ASTN1: variants seen among roughly 807,000 people sequenced by gnomAD.
ASTN1 encodes the protein astrotactin 1.
In ASTN1, 41 loss-of-function variants were observed where a neutral mutation model predicts 140.7. The ratio of observed to expected loss-of-function variants is 0.29; its 90% CI spans 0.23 to 0.38. The LOEUF (loss-of-function observed/expected upper bound fraction) is 0.38. ASTN1 is among the 10% of genes least tolerant of loss of function. The pLI is 1.00. For synonymous variants in ASTN1, 640 were observed against 652.2 expected (o/e 0.98, Z 0.29); for missense variants, 1,479 against 1,678.8 (o/e 0.88, Z 2.08).
At chr1:177,004,179 G>A (rs1174665896) in intron 8 of ASTN1, among the ~76,000 whole-genome samples, 1 of 151,822 alleles carries the variant, frequency 6.6e-6, no homozygotes, top group Admixed American at 6.6e-5. Flanking sequence ...AACCAACAAT[G>A]ACCCAGCTGA....
chr1:176,937,416 GAAGTT>G (rs1455677514), intron 14 of ASTN1, among the ~76,000 whole-genome samples: 1 of 152,164 alleles, frequency 6.6e-6, no homozygotes, highest in African/African-American at 2.4e-5. Flanking sequence ...GAGGCTCTGA[GAAGTT>G]AAGTTAGTTG....
chr1:177,050,187 T>C (rs541130553), intron 2 of ASTN1, among the ~76,000 whole-genome samples: 1 of 152,302 alleles, frequency 6.6e-6, no homozygotes, highest in Admixed American at 6.5e-5. Flanking sequence ...TCAGACAAGA[T>C]GCAGACATGG....
chr1:176,972,030 G>A (rs1265932827), intron 8 of ASTN1, among the ~76,000 whole-genome samples: 1 of 152,078 alleles, frequency 6.6e-6, no homozygotes, highest in African/African-American at 2.4e-5. Flanking sequence ...AGGCTATATA[G>A]TATAACCTAT....
At chr1:176,870,219 C>A (rs957385286) in intron 21 of ASTN1, among the ~76,000 whole-genome samples, 1 of 152,162 alleles carries the variant, frequency 6.6e-6, no homozygotes, top group African/African-American at 2.4e-5. Context: ...TGGAGAGCAA[C>A]GTTTTGTCTT....
chr1:177,057,881 C>T (rs1558064216), intron 2 of ASTN1, among the ~76,000 whole-genome samples: 1 of 152,186 alleles, frequency 6.6e-6, no homozygotes, highest in Non-Finnish European at 1.5e-5. Flanking sequence ...AAATAGCTGC[C>T]TACCTTTCCT....
chr1:176,966,603 CGGA>C (rs913060080), intron 8 of ASTN1, among the ~76,000 whole-genome samples: 2 of 152,060 alleles, frequency 1.3e-5, no homozygotes, highest in Non-Finnish European at 2.9e-5. Context: ...ATAATTTGAG[CGGA>C]GGTTACACAT....
intron 1 of ASTN1, among the ~76,000 whole-genome samples, chr1:177,137,122 AAGG>A (rs1290146411): frequency 3.3e-5 from 5 of 152,164 alleles, no homozygotes; most frequent in Non-Finnish European, 5.9e-5. Context: ...AGGAAAGTAT[AAGG>A]AAGAAGTTTA....
chr1:176,957,680 C>A lies in ASTN1; in HGVS notation c.1885G>T (p.Val629Leu), dbSNP rs144761357. 1.2e-6 allele frequency: 2 copies of A among 1,613,954 alleles called. No homozygotes were observed. The highest frequency in any genetic ancestry group is 1.3e-5 in the African/African-American group (1 of 75,028). The change falls in exon 11 of 23, where the codon GTG (valine) becomes TTG (leucine). Residue 629 changes from valine (V) to leucine (L), a missense_variant and splice_region_variant. Physicochemically the swap from Val to Leu is conservative, Grantham distance 32. Transcript: ENST00000361833. ...SDRKLDSTGC[V>L]CPSGLSPMKD... ...ACTAGCTTGCAGGGCAGACCTACCA[C>A]GCAACCAGTGGAGTCCAGCTTGCGA... is the stretch of plus-strand genomic sequence containing the variant.
intron 11 of ASTN1, among the ~76,000 whole-genome samples, chr1:176,950,789 T>C (rs1672160443): frequency 6.6e-6 from 1 of 152,058 alleles, no homozygotes; most frequent in Non-Finnish European, 1.5e-5. Flanking sequence ...CTATGCTGTA[T>C]ACATATCGCC....
At chr1:177,059,485 G>A (rs115455641) in intron 2 of ASTN1, among the ~76,000 whole-genome samples, 1,601 of 152,310 alleles carry the variant, frequency 0.011, 25 homozygotes, top group African/African-American at 0.037. Context: ...ATTTGTAAAT[G>A]TAAGTATTAG....
At chr1:177,016,891 T>C (rs910777042) in intron 7 of ASTN1, among the ~76,000 whole-genome samples, 9 of 152,232 alleles carry the variant, frequency 5.9e-5, no homozygotes. Context: ...GTTGTCCTTC[T>C]GTGGACAATT....
chr1:177,003,735 T>C (rs1571633998), intron 8 of ASTN1, among the ~76,000 whole-genome samples: 1 of 151,542 alleles, frequency 6.6e-6, no homozygotes, highest in East Asian at 2.0e-4. Flanking sequence ...TCGCTTGAAC[T>C]TGCGAGGCAG....
intron 16 of ASTN1, among the ~76,000 whole-genome samples, chr1:176,922,313 C>T (rs1353810242): frequency 1.3e-5 from 2 of 150,214 alleles, no homozygotes; most frequent in African/African-American, 5.1e-5. Flanking sequence ...ACCAGCCGTG[C>T]AGACTTTGAA....
intron 1 of ASTN1, among the ~76,000 whole-genome samples, chr1:177,145,099 C>G (rs553099240): frequency 6.6e-6 from 1 of 152,284 alleles, no homozygotes; most frequent in South Asian, 2.1e-4. Context: ...TTGAGAAACT[C>G]AGATAACTCT....
chr1:176,910,814 T>A (rs1291514544), intron 16 of ASTN1, among the ~76,000 whole-genome samples: 1 of 152,142 alleles, frequency 6.6e-6, no homozygotes, highest in Non-Finnish European at 1.5e-5. Context: ...ACACCTGAGC[T>A]CCACCTCCTG....
intron 16 of ASTN1, among the ~76,000 whole-genome samples, chr1:176,911,323 A>T (rs1171652492): frequency 6.6e-6 from 1 of 152,172 alleles, no homozygotes; most frequent in Non-Finnish European, 1.5e-5. Flanking sequence ...CTGGACACTT[A>T]GGCTACACTA....
At position 177,056,538 on chromosome 1, in the gene ASTN1, G is replaced by A. The variant is rs533777789; in HGVS notation, c.471+4540C>T. 1.6e-4 allele frequency among the ~76,000 whole-genome samples: 23 copies of A among 148,146 alleles called. No individual in the cohort carries two copies. The South Asian group carries it at 4.5e-3, about 29-fold the overall frequency. ...CCACAAAAGATATTCTCTACCAGTGGGAGTTATCAATACAGAAAAATTTCA... is the reference window on the plus strand; with the variant it reads ...CCACAAAAGATATTCTCTACCAGTGAGAGTTATCAATACAGAAAAATTTCA... On this transcript the variant is annotated intron_variant, in intron 2 of 22. Transcript: ENST00000361833.
At chr1:176,894,927 A>G (rs1341213264) in intron 16 of ASTN1, 97 bp from the exon 17 acceptor site, 1 of 1,513,156 alleles carries the variant, frequency 6.6e-7, no homozygotes. Context: ...AATCTTTGGG[A>G]TCAGAAACAG....
At chr1:176,890,083 C>T (rs974302558) in intron 17 of ASTN1, among the ~76,000 whole-genome samples, 16 of 152,308 alleles carry the variant, frequency 1.1e-4, no homozygotes, top group African/African-American at 3.4e-4. Flanking sequence ...CCATTTTCTA[C>T]GTGAAGCATT....
Sources: allele counts gnomAD v4.1 joint callset (sites outside exome capture counted in the v4.1 genomes callset), GRCh38; gene constraint gnomAD v4.1.1; transcripts MANE v1.5; gene names NCBI Gene and HGNC (gene_info 2026-07-23, HGNC 2026-07-21).